Variants in ROBO2 observed in about 807,000 individuals in gnomAD.
ROBO2 encodes roundabout homolog 2.
Under a neutral mutation model 160.8 loss-of-function variants are expected in ROBO2, and 53 were observed. The ratio of observed to expected loss-of-function variants is 0.33; its 90% confidence interval spans 0.26 to 0.41. ROBO2 has a LOEUF of 0.41. Among genes scored for constraint, ROBO2 ranks in the 10% least tolerant of loss-of-function variants. The pLI, the probability that ROBO2 is intolerant of heterozygous loss-of-function variation, is 1.00. For missense variants in ROBO2, 1,577 were observed against 1,722.4 expected (o/e 0.92, Z 1.49); for synonymous variants, 664 against 611.7 (o/e 1.09, Z -1.26).
At chr3:77,155,199 T>A (rs2077897376) in intron 2 of ROBO2, among the ~76,000 whole-genome samples, 1 of 152,014 alleles carries the variant, frequency 6.6e-6, no homozygotes, top group Admixed American at 6.6e-5. Context: ...GTCTGAGTCC[T>A]AATCCCTGAA....
At chr3:77,444,922 A>G (rs1207038716) in intron 2 of ROBO2, among the ~76,000 whole-genome samples, 1 of 152,202 alleles carries the variant, frequency 6.6e-6, no homozygotes, top group East Asian at 1.9e-4. Flanking sequence ...AATTGCTATG[A>G]CAAGGTCTGG....
intron 5 of ROBO2, among the ~76,000 whole-genome samples, chr3:77,509,581 A>G (rs1414262289): frequency 2.6e-5 from 4 of 152,110 alleles, no homozygotes; most frequent in Non-Finnish European, 5.9e-5. Flanking sequence ...AATAGAAGAT[A>G]TAACTTGAAC....
intron 2 of ROBO2, among the ~76,000 whole-genome samples, chr3:76,862,105 A>C (rs2070846013): frequency 6.6e-6 from 1 of 152,076 alleles, no homozygotes; most frequent in Non-Finnish European, 1.5e-5. Context: ...GAAAGAAGGA[A>C]GGAAGAAAGG....
chr3:76,619,065 G>A (rs2088837269), intron 2 of ROBO2, among the ~76,000 whole-genome samples: 1 of 150,362 alleles, frequency 6.7e-6, no homozygotes, highest in Non-Finnish European at 1.5e-5. Context: ...AATAGGCCGG[G>A]CGCGGTGGCT....
chr3:76,991,140 G>T (rs956175343), intron 2 of ROBO2, among the ~76,000 whole-genome samples: 1 of 152,088 alleles, frequency 6.6e-6, no homozygotes, highest in African/African-American at 2.4e-5. Context: ...TCTAAAACTT[G>T]ACCTGGTCTC....
At chr3:77,049,842 CAG>C (rs1280162817) in intron 1 of ROBO2, among the ~76,000 whole-genome samples, 1 of 152,112 alleles carries the variant, frequency 6.6e-6, no homozygotes, top group African/African-American at 2.4e-5. Context: ...CAGTTGAAAC[CAG>C]ACTGGAATTT....
chr3:77,117,013 G>T (rs1473005160), intron 2 of ROBO2, among the ~76,000 whole-genome samples: 2 of 152,142 alleles, frequency 1.3e-5, no homozygotes, highest in Non-Finnish European at 2.9e-5. Context: ...ATTTTGTTCA[G>T]ATTTAATAAG....
At chr3:76,424,745 C>T (rs1401075624) in intron 2 of ROBO2, among the ~76,000 whole-genome samples, 7 of 152,130 alleles carry the variant, frequency 4.6e-5, no homozygotes, top group African/African-American at 7.2e-5. Context: ...AGTGATGATA[C>T]TATGATAGTT....
chr3:76,440,258 T>A (rs937826046), intron 2 of ROBO2, among the ~76,000 whole-genome samples: 3 of 152,238 alleles, frequency 2.0e-5, no homozygotes, highest in South Asian at 2.1e-4. Flanking sequence ...TTATTTTTTT[T>A]TTATTATTAT....
intron 2 of ROBO2, among the ~76,000 whole-genome samples, chr3:77,228,437 C>A (rs911621757): frequency 5.4e-5 from 8 of 148,618 alleles, no homozygotes; most frequent in Middle Eastern, 3.6e-3. Flanking sequence ...ACACACACAC[C>A]CTTTTTTTTT....
intron 2 of ROBO2, among the ~76,000 whole-genome samples, chr3:76,874,674 A>C (rs1391132448): frequency 1.3e-5 from 2 of 151,094 alleles, no homozygotes; most frequent in Admixed American, 6.6e-5. Flanking sequence ...AGCAACTAAC[A>C]TTAAATTAAA....
intron 2 of ROBO2, among the ~76,000 whole-genome samples, chr3:76,987,336 C>T (rs2060435551): frequency 6.6e-6 from 1 of 152,132 alleles, no homozygotes; most frequent in Non-Finnish European, 1.5e-5. Context: ...GTTTCAGTTC[C>T]ACACTGCCGT....
chr3:77,285,265 T>TTTACACCTACAGTGAAATGTACAAATC (rs2060504145), intron 2 of ROBO2, among the ~76,000 whole-genome samples: 1 of 152,130 alleles, frequency 6.6e-6, no homozygotes, highest in South Asian at 2.1e-4. Context: ...CACTTATGAT[T>TTTACACCTACAGTGAAATGTACAAATC]TGTACATTTC....
intron 2 of ROBO2, among the ~76,000 whole-genome samples, chr3:77,266,668 A>C (rs1322265933): frequency 6.6e-6 from 1 of 152,044 alleles, no homozygotes; most frequent in Non-Finnish European, 1.5e-5. Context: ...CTGATCTACT[A>C]ATTCTTGCGG....
chr3:77,607,938 G>A (rs920238719), exon 21 of ROBO2: 2 of 1,613,704 alleles, frequency 1.2e-6, no homozygotes, highest in African/African-American at 1.3e-5. Flanking sequence ...CTATGCAGTG[G>A]AACAACAAGA....
chr3:76,848,904 A>G (rs2069047138), intron 2 of ROBO2, among the ~76,000 whole-genome samples: 1 of 152,214 alleles, frequency 6.6e-6, no homozygotes, highest in Admixed American at 6.5e-5. Flanking sequence ...GAAGCATGCT[A>G]TGTACTTAAG....
intron 2 of ROBO2, among the ~76,000 whole-genome samples, chr3:77,367,177 A>AT (rs2071024027): frequency 6.6e-6 from 1 of 152,146 alleles, no homozygotes; most frequent in African/African-American, 2.4e-5. Context: ...CAAGACCACC[A>AT]GGTTACCGTA....
chr3:76,361,714 A>G (rs1318191418), intron 2 of ROBO2, among the ~76,000 whole-genome samples: 2 of 152,142 alleles, frequency 1.3e-5, no homozygotes, highest in Non-Finnish European at 2.9e-5. Flanking sequence ...CCCAACTCCT[A>G]AACTAGTATC....
chr3:77,180,416 C>CTCTCTATATATA (rs1433740534), intron 2 of ROBO2, among the ~76,000 whole-genome samples: 250 of 90,688 alleles, frequency 2.8e-3, no homozygotes, highest in African/African-American at 9.1e-3. Context: ...CTCTCTCTCT[C>CTCTCTATATATA]TATATATATA....
Sources: allele counts gnomAD v4.1 joint callset (sites outside exome capture counted in the v4.1 genomes callset), GRCh38; gene constraint gnomAD v4.1.1; transcripts MANE v1.5; gene names NCBI Gene and HGNC (gene_info 2026-07-23, HGNC 2026-07-21).